Variants in TPD52 observed in about 807,000 individuals in gnomAD.
TPD52 encodes tumor protein D52, also known as prostate and colon associated protein.
A neutral mutation model predicts 31.3 loss-of-function variants in TPD52; 17 were observed. The observed-to-expected ratio is 0.54, with a 90% CI of 0.37 to 0.82. TPD52 has a LOEUF of 0.82. Ranked by LOEUF, TPD52 falls within the 40% of genes least tolerant of loss-of-function variation. The pLI is 0.00. For synonymous variants in TPD52, 83 were observed against 89.6 expected (o/e 0.93, Z 0.42); for missense variants, 212 against 240.1 (o/e 0.88, Z 0.77).
chr8:80,141,790 G>T (rs1809845798), intron 1 of TPD52, among the ~76,000 whole-genome samples: 1 of 152,020 alleles, frequency 6.6e-6, no homozygotes, highest in Admixed American at 6.6e-5. Flanking sequence ...CGGGCCTGTT[G>T]TCCCAGCTAC....
intron 1 of TPD52, among the ~76,000 whole-genome samples, chr8:80,145,294 T>C (rs1180968294): frequency 6.6e-6 from 1 of 152,246 alleles, no homozygotes; most frequent in African/African-American, 2.4e-5. Flanking sequence ...AGTAATCTTG[T>C]TTAATCCTAG....
intron 7 of TPD52, chr8:80,042,404 T>A (rs1810476206): frequency 1.0e-6 from 1 of 985,380 alleles, no homozygotes; most frequent in Admixed American, 6.1e-5. Flanking sequence ...GTACATTTCC[T>A]TTCAGCATGT....
intron 1 of TPD52, among the ~76,000 whole-genome samples, chr8:80,165,484 T>A (rs996792762): frequency 6.6e-6 from 1 of 152,236 alleles, no homozygotes; most frequent in African/African-American, 2.4e-5. Flanking sequence ...GCTGATTATT[T>A]TGGGCTAAAG....
intron 1 of TPD52, among the ~76,000 whole-genome samples, chr8:80,095,995 C>T (rs1169303605): frequency 6.6e-6 from 1 of 151,638 alleles, no homozygotes; most frequent in Non-Finnish European, 1.5e-5. Flanking sequence ...GTGGCTCACG[C>T]CTCCAAGCCC....
intron 1 of TPD52, among the ~76,000 whole-genome samples, chr8:80,071,625 T>C (rs1029755635): frequency 4.6e-5 from 7 of 152,146 alleles, no homozygotes; most frequent in Admixed American, 1.3e-4. Flanking sequence ...GGTTTTTCTC[T>C]TCCTACCTCT....
downstream of TPD52, among the ~76,000 whole-genome samples, chr8:80,031,403 C>T (rs1356362894): frequency 6.6e-6 from 1 of 152,228 alleles, no homozygotes; most frequent in African/African-American, 2.4e-5. Context: ...TCATTAAATT[C>T]TCCAGGTGAG....
intron 5 of TPD52, among the ~76,000 whole-genome samples, chr8:80,049,580 T>C (rs371234812): frequency 1.3e-5 from 2 of 152,256 alleles, no homozygotes; most frequent in African/African-American, 4.8e-5. Context: ...AGTGATTGCT[T>C]AAGAAAATAA....
intron 1 of TPD52, among the ~76,000 whole-genome samples, chr8:80,085,097 T>G (rs1458895391): frequency 6.6e-6 from 1 of 152,210 alleles, no homozygotes; most frequent in Non-Finnish European, 1.5e-5. Context: ...TGGTCCATGT[T>G]TGTGTAATAA....
In TPD52 at chr8:80,083,968, C is replaced by T. The variant is rs562501177; in HGVS notation, c.20-19375G>A. ...GACCTGACTTTGAAGGAATCACATC[C>T]AAGCACTCTCACTCCATATGGAGAA... On this transcript the variant is annotated intron_variant, in intron 1 of 7. Coordinates refer to ENST00000518937, the MANE Select transcript of TPD52 (RefSeq NM_001025253.3). 2.0e-5 allele frequency among the ~76,000 whole-genome samples: 3 copies of T among 152,288 alleles called. No individual in the cohort carries two copies. The East Asian group carries it at 5.8e-4, about 29-fold the overall frequency.
At chr8:80,108,736 A>T (rs1219929242) in intron 1 of TPD52, among the ~76,000 whole-genome samples, 3 of 152,270 alleles carry the variant, frequency 2.0e-5, no homozygotes, top group African/African-American at 7.2e-5. Context: ...AGAATTACAT[A>T]AGACTGAATA....
chr8:80,071,227 A>G (rs1179867498), intron 1 of TPD52, among the ~76,000 whole-genome samples: 2 of 152,208 alleles, frequency 1.3e-5, no homozygotes, highest in African/African-American at 4.8e-5. Context: ...CAGCCCCAGG[A>G]GAATAATTCC....
intron 7 of TPD52, among the ~76,000 whole-genome samples, chr8:80,039,210 T>C (rs1425760619): frequency 6.6e-6 from 1 of 152,244 alleles, no homozygotes; most frequent in Non-Finnish European, 1.5e-5. Context: ...GTTCATTGTT[T>C]ATTAAATTTA....
At chr8:80,130,650 G>A (rs956612244) in intron 1 of TPD52, among the ~76,000 whole-genome samples, 5 of 152,172 alleles carry the variant, frequency 3.3e-5, no homozygotes, top group African/African-American at 1.2e-4. Flanking sequence ...TATTTCATAA[G>A]TGTATAGCTT....
chr8:80,109,949 A>C (rs1395862418), intron 1 of TPD52, among the ~76,000 whole-genome samples: 1 of 152,154 alleles, frequency 6.6e-6, no homozygotes, highest in Non-Finnish European at 1.5e-5. Context: ...CAAGATGGAG[A>C]TGTATACCTG....
At chr8:80,101,448 CAAAAAAAAAAAAAAAAA>C (rs113660828) in intron 1 of TPD52, among the ~76,000 whole-genome samples, 51,972 of 115,226 alleles carry the variant, frequency 0.45, 10,975 homozygotes, top group East Asian at 0.75. Context: ...ACTCCCAGCT[CAAAAAAAAAAAAAAAAA>C]AAAAAAAAAA....
chr8:80,112,994 A>G (rs1219434832), intron 1 of TPD52, among the ~76,000 whole-genome samples: 1 of 152,156 alleles, frequency 6.6e-6, no homozygotes, highest in Non-Finnish European at 1.5e-5. Context: ...AAACTTATAC[A>G]CTATATTTAA....
intron 1 of TPD52, among the ~76,000 whole-genome samples, chr8:80,157,114 A>G (rs879711279): frequency 6.6e-6 from 1 of 152,214 alleles, no homozygotes; most frequent in Admixed American, 6.5e-5. Context: ...TGGTTGCCTC[A>G]TCAGACTTCA....
intron 1 of TPD52, chr8:80,080,516 G>A (rs1362987421): frequency 5.7e-6 from 9 of 1,589,752 alleles, no homozygotes; most frequent in South Asian, 2.3e-5. Flanking sequence ...GTTGAGTGCC[G>A]CTTTGGCCAT....
chr8:80,082,692 C>T lies in TPD52; in HGVS notation c.20-18099G>A, dbSNP rs565010721. 3.2e-4 allele frequency among the ~76,000 whole-genome samples: 48 copies of T among 152,338 alleles called. No individual in the cohort carries two copies. The South Asian group carries it at 9.9e-3, about 32-fold the overall frequency. On this transcript the variant is annotated intron_variant, in intron 1 of 7. Transcript: ENST00000518937. Reference sequence around the variant, plus strand: ...CCTAGTCTCTGGCCCCCTCTTCTCCCAGCAGCAGCACACAGCATGTGAAGA... The same window carrying T: ...CCTAGTCTCTGGCCCCCTCTTCTCCTAGCAGCAGCACACAGCATGTGAAGA...
Sources: gnomAD v4.1 joint callset for allele counts (sites outside exome capture counted in the v4.1 genomes callset) on GRCh38, gnomAD v4.1.1 for gene constraint, MANE v1.5 for transcripts, NCBI Gene and HGNC (gene_info 2026-07-23, HGNC 2026-07-21) for gene names.